The following ANKDD1B variants were observed in gnomAD, a reference collection of about 807,000 sequenced individuals.
The protein encoded by ANKDD1B is ankyrin repeat and death domain-containing protein 1B.
A neutral mutation model predicts 59.7 loss-of-function variants in ANKDD1B; 57 were observed. That is an observed-to-expected ratio of 0.95 (90% CI 0.77 to 1.19). ANKDD1B has a LOEUF of 1.19. ANKDD1B is among the 50% of genes most tolerant of loss of function. The probability of loss-of-function intolerance (pLI) is 0.00; values close to 1 mark genes in which losing one functional copy is unlikely to be tolerated. For synonymous variants in ANKDD1B, 216 were observed against 239.5 expected (o/e 0.90, Z 0.91); for missense variants, 602 against 641.9 (o/e 0.94, Z 0.67).
chr5:75,636,938 T>C (rs1458347321), intron 7 of ANKDD1B, among the ~76,000 whole-genome samples: 1 of 150,802 alleles, frequency 6.6e-6, no homozygotes, highest in African/African-American at 2.4e-5. Context: ...TCAGGTGGAG[T>C]GTTAGCGAGC....
At chr5:75,630,207 AT>A (rs930537401) in intron 5 of ANKDD1B, among the ~76,000 whole-genome samples, 1 of 152,234 alleles carries the variant, frequency 6.6e-6, no homozygotes, top group Non-Finnish European at 1.5e-5. Context: ...GTTAAAAAAA[AT>A]AAAGGACATG....
chr5:75,655,265 C>CA (rs1198775609), intron 8 of ANKDD1B, among the ~76,000 whole-genome samples: 2 of 152,198 alleles, frequency 1.3e-5, no homozygotes, highest in African/African-American at 4.8e-5. Context: ...GCTGGGAAGA[C>CA]AGGTGGTTTA....
rs1309192451 is a variant in ANKDD1B at position 75,635,561 on chromosome 5, G to T, written c.700-223G>T. On this transcript the variant is annotated intron_variant, in intron 6 of 13. Coordinates refer to ENST00000601380, the MANE Select transcript of ANKDD1B (RefSeq NM_001276713.2). Reference sequence around the variant, plus strand: ...ATTGGTAGCAAAGTTAGAACAAGGAGCATGGATGATTTTTTTCCTACTGGT... The same window carrying T: ...ATTGGTAGCAAAGTTAGAACAAGGATCATGGATGATTTTTTTCCTACTGGT... 8.0e-6 allele frequency: 3 copies of T among 375,462 alleles called. No individual in the cohort carries two copies. The East Asian group carries it at 1.2e-4, about 15-fold the overall frequency. 23.3% of individuals were successfully genotyped at this position (375,462 alleles called of 1,614,324 possible).
chr5:75,643,307 G>C (rs1774535674), intron 7 of ANKDD1B, among the ~76,000 whole-genome samples: 1 of 41,504 alleles, frequency 2.4e-5, no homozygotes, highest in African/African-American at 3.1e-4. Flanking sequence ...CTGAGCTACG[G>C]GAGGACATTC....
chr5:75,641,385 AC>A (rs1400730890), intron 7 of ANKDD1B, among the ~76,000 whole-genome samples: 3 of 152,194 alleles, frequency 2.0e-5, no homozygotes, highest in Non-Finnish European at 4.4e-5. Context: ...AAAACTCATG[AC>A]AAAAAATTTG....
chr5:75,660,972 A>G (rs1033631093), intron 10 of ANKDD1B, among the ~76,000 whole-genome samples: 6 of 151,988 alleles, frequency 3.9e-5, no homozygotes, highest in African/African-American at 1.4e-4. Flanking sequence ...GCCTGAGTCC[A>G]CCCTACTCTA....
chr5:75,630,583 T>C (rs1774124257), intron 5 of ANKDD1B, among the ~76,000 whole-genome samples: 1 of 152,258 alleles, frequency 6.6e-6, no homozygotes, highest in Non-Finnish European at 1.5e-5. Flanking sequence ...TGCAAAGCTT[T>C]GTAGCAACCA....
rs984279812 is a variant in ANKDD1B, at chr5:75,664,833, A to C, written c.1191+1344A>C. Among the ~76,000 whole-genome samples, 3 of 152,248 alleles carry C rather than the reference A, an allele frequency of 2.0e-5. No individual in the cohort carries two copies. The East Asian group carries it at 5.8e-4, about 29-fold the overall frequency. ...CTAAAGGAGACCCCCAGAAATGGTA[A>C]GAGTTGTTAACTCCGGTGACAATTG... On this transcript the variant is annotated intron_variant, in intron 11 of 13. Coordinates refer to ENST00000601380, the MANE Select transcript of ANKDD1B (RefSeq NM_001276713.2).
chr5:75,662,705 T>C (rs1340956892), intron 10 of ANKDD1B, among the ~76,000 whole-genome samples: 2 of 152,132 alleles, frequency 1.3e-5, no homozygotes, highest in African/African-American at 2.4e-5. Context: ...TGTACCTTTT[T>C]GTAATTCGTC....
At chr5:75,663,608 A>G in intron 11 of ANKDD1B, 119 bp downstream of exon 11, 1 of 778,018 alleles carries the variant, frequency 1.3e-6, no homozygotes, top group South Asian at 1.6e-5. Flanking sequence ...TGGTCAGTAC[A>G]ATTATAACTG....
intron 7 of ANKDD1B, 82 bp from the exon 8 acceptor site, chr5:75,653,060 C>T (rs1434619015): frequency 2.1e-6 from 2 of 933,404 alleles, no homozygotes; most frequent in Non-Finnish European, 1.7e-6. Context: ...ATTGTATTAA[C>T]TGATTACCAT....
chr5:75,613,643 T>C (rs1418649513), intron 1 of ANKDD1B, among the ~76,000 whole-genome samples: 2 of 152,084 alleles, frequency 1.3e-5, no homozygotes, highest in Non-Finnish European at 2.9e-5. Flanking sequence ...AATTCAGATA[T>C]TTGAGGAGAA....
In ANKDD1B at chr5:75,653,153, T is replaced by C; in HGVS notation, c.810T>C (p.Ser270=). 2 of 1,535,560 alleles carry C rather than the reference T, an allele frequency of 1.3e-6. No homozygotes were observed. The highest frequency in any genetic ancestry group is 1.7e-6 in the Non-Finnish European group (2 of 1,146,410). Residue 270 remains serine, a synonymous_variant, in exon 8 of 14, where the codon AGT becomes AGC. Coordinates refer to ENST00000601380, the MANE Select transcript of ANKDD1B (RefSeq NM_001276713.2). ...DINEMNELNI[S]SLQIATRNGH... ...ATTGTCTCTTGCAGCTCAATATCAG[T>C]AGTTTGCAGATAGCAACCAGGAACG... is the stretch of plus-strand genomic sequence containing the variant.
chr5:75,644,182 G>A (rs1410531333), intron 7 of ANKDD1B, among the ~76,000 whole-genome samples: 1 of 79,192 alleles, frequency 1.3e-5, no homozygotes, highest in Non-Finnish European at 2.1e-5. Flanking sequence ...GGAAGAAACT[G>A]CATCAACTAA....
At chr5:75,636,141 G>T (rs964762137) in intron 7 of ANKDD1B, among the ~76,000 whole-genome samples, 1 of 152,098 alleles carries the variant, frequency 6.6e-6, no homozygotes, top group Non-Finnish European at 1.5e-5. Context: ...TCTTATTCTA[G>T]AAGCCTACAG....
intron 7 of ANKDD1B, among the ~76,000 whole-genome samples, chr5:75,651,925 C>T (rs186299521): frequency 4.6e-5 from 7 of 152,320 alleles, no homozygotes; most frequent in Admixed American, 3.3e-4. Flanking sequence ...TTGCTGTATC[C>T]TCACATGGCA....
At chr5:75,633,382 T>C (rs1163762383) in intron 5 of ANKDD1B, among the ~76,000 whole-genome samples, 1 of 152,218 alleles carries the variant, frequency 6.6e-6, no homozygotes, top group Non-Finnish European at 1.5e-5. Flanking sequence ...TCTTTATAGA[T>C]TTGTTTTTGT....
rs187758485 is a variant in ANKDD1B, at chr5:75,611,551, G to A, written c.-84G>A. On this transcript the variant is annotated 5_prime_UTR_variant, in exon 1 of 14. Coordinates refer to ENST00000601380, the MANE Select transcript of ANKDD1B (RefSeq NM_001276713.2). ...AGCCCCCGCGCCCTGGGCCTGCCTGGGTCTGGATCTGTGTCCGAGTCTGGG... is the reference window on the plus strand; with the variant it reads ...AGCCCCCGCGCCCTGGGCCTGCCTGAGTCTGGATCTGTGTCCGAGTCTGGG... The A allele has an allele frequency of 5.7e-5, 64 of 1,131,726 alleles. 1 individual carries two copies. The East Asian group carries it at 2.0e-3, about 36-fold the overall frequency. 70.1% of individuals were successfully genotyped at this position (1,131,726 alleles called of 1,614,324 possible).
chr5:75,622,715 A>G (rs905920174), intron 3 of ANKDD1B, among the ~76,000 whole-genome samples: 4 of 152,204 alleles, frequency 2.6e-5, no homozygotes, highest in African/African-American at 9.6e-5. Context: ...ATCAGTGACT[A>G]TTGAGCAATG....
Sources: gnomAD v4.1 joint callset for allele counts (sites outside exome capture counted in the v4.1 genomes callset) on GRCh38, gnomAD v4.1.1 for gene constraint, MANE v1.5 for transcripts, NCBI Gene and HGNC (gene_info 2026-07-23, HGNC 2026-07-21) for gene names.